Variants in CACNA1A observed in about 807,000 individuals in gnomAD.
The protein encoded by CACNA1A is calcium voltage-gated channel subunit alpha1 A.
A neutral mutation model predicts 262.4 loss-of-function variants in CACNA1A; 57 were observed. The observed-to-expected ratio is 0.22, with a 90% CI of 0.18 to 0.27. The LOEUF (loss-of-function observed/expected upper bound fraction) is 0.27, where lower values mean the gene tolerates loss of function less well. Among genes scored for constraint, CACNA1A ranks in the 10% least tolerant of loss-of-function variants. The pLI is 1.00. For missense variants in CACNA1A, 2,526 were observed against 3,562.8 expected, an observed-to-expected ratio of 0.71 and a Z score of 7.41; for synonymous variants, 1,431 against 1,419.3, an observed-to-expected ratio of 1.01 and a Z score of -0.18.
At chr19:13,421,826 A>G (rs2060321149) in intron 3 of CACNA1A, among the ~76,000 whole-genome samples, 2 of 152,172 alleles carry the variant, frequency 1.3e-5, no homozygotes, top group South Asian at 4.1e-4. Flanking sequence ...GCCACCTGAG[A>G]GGATTAAAAC....
intron 3 of CACNA1A, among the ~76,000 whole-genome samples, chr19:13,392,971 A>G (rs149994350): frequency 2.3e-3 from 349 of 152,170 alleles, no homozygotes; most frequent in African/African-American, 8.2e-3. Flanking sequence ...GTTTTGCCAC[A>G]TTGGCCAGGC....
At chr19:13,468,591 A>G (rs1180201796) in intron 1 of CACNA1A, among the ~76,000 whole-genome samples, 2 of 152,206 alleles carry the variant, frequency 1.3e-5, no homozygotes, top group Non-Finnish European at 2.9e-5. Flanking sequence ...GTTTGAGACC[A>G]GCTTGGTCAA....
intron 3 of CACNA1A, among the ~76,000 whole-genome samples, chr19:13,397,884 G>A (rs376740049): frequency 3.3e-5 from 5 of 152,182 alleles, no homozygotes; most frequent in African/African-American, 9.7e-5. Flanking sequence ...GAAGCCATGG[G>A]TTGAAGATGA....
At chr19:13,503,808 GCA>G (rs1568717067) in intron 1 of CACNA1A, among the ~76,000 whole-genome samples, 1 of 152,040 alleles carries the variant, frequency 6.6e-6, no homozygotes, top group East Asian at 1.9e-4. Context: ...AGAGCATAAT[GCA>G]CAAACTCATC....
chr19:13,250,087 T>G (rs973681321), intron 30 of CACNA1A, among the ~76,000 whole-genome samples: 1 of 151,652 alleles, frequency 6.6e-6, no homozygotes, highest in African/African-American at 2.4e-5. Flanking sequence ...TGAGACAAAG[T>G]CTCACTCTGT....
chr19:13,302,799 ACT>A (rs1007040670), intron 17 of CACNA1A, among the ~76,000 whole-genome samples: 15 of 151,390 alleles, frequency 9.9e-5, no homozygotes, highest in African/African-American at 3.2e-4. Context: ...GGGCCGGGAA[ACT>A]CTCTCTCCCT....
chr19:13,470,557 C>T (rs569371068), intron 1 of CACNA1A, among the ~76,000 whole-genome samples: 2 of 152,280 alleles, frequency 1.3e-5, no homozygotes, highest in African/African-American at 2.4e-5. Flanking sequence ...TATCTCTATC[C>T]TCTTTCTAGA....
chr19:13,404,576 A>G (rs2059969748), intron 3 of CACNA1A, among the ~76,000 whole-genome samples: 1 of 152,168 alleles, frequency 6.6e-6, no homozygotes, highest in African/African-American at 2.4e-5. Context: ...AAAATGGTTC[A>G]GAGCAAAGCT....
intron 1 of CACNA1A, among the ~76,000 whole-genome samples, chr19:13,487,983 T>C (rs1455991918): frequency 6.6e-6 from 1 of 152,034 alleles, no homozygotes; most frequent in Non-Finnish European, 1.5e-5. Flanking sequence ...TGTTTAAATG[T>C]TGCCCAGGCT....
At chr19:13,373,749 AC>A (rs1421673175) in intron 3 of CACNA1A, among the ~76,000 whole-genome samples, 2 of 152,060 alleles carry the variant, frequency 1.3e-5, no homozygotes, top group East Asian at 1.9e-4. Flanking sequence ...TCTCAAGATT[AC>A]CCCTAGAGGA....
At chr19:13,216,968 A>G (rs2144553355) in intron 38 of CACNA1A, among the ~76,000 whole-genome samples, 1 of 152,270 alleles carries the variant, frequency 6.6e-6, no homozygotes, top group East Asian at 1.9e-4. Flanking sequence ...ACCAGTCTCT[A>G]GTAAAAATGC....
intron 1 of CACNA1A, among the ~76,000 whole-genome samples, chr19:13,502,846 C>T (rs981182283): frequency 1.3e-5 from 2 of 152,116 alleles, no homozygotes; most frequent in East Asian, 1.9e-4. Flanking sequence ...TGTACCATGC[C>T]AGAATTTACA....
At chr19:13,411,038 C>T (rs1020830918) in intron 3 of CACNA1A, among the ~76,000 whole-genome samples, 40 of 152,178 alleles carry the variant, frequency 2.6e-4, no homozygotes, top group African/African-American at 9.6e-4. Flanking sequence ...CTTTGGATCT[C>T]CAGCTCTGAC....
intron 1 of CACNA1A, among the ~76,000 whole-genome samples, chr19:13,475,152 C>T (rs939242087): frequency 6.6e-6 from 1 of 152,206 alleles, no homozygotes; most frequent in Non-Finnish European, 1.5e-5. Context: ...CTAAAACATA[C>T]ATCAACATAA....
intron 9 of CACNA1A, among the ~76,000 whole-genome samples, chr19:13,331,732 C>G (rs907834513): frequency 6.6e-6 from 1 of 151,850 alleles, no homozygotes; most frequent in Admixed American, 6.6e-5. Flanking sequence ...TGGAGTGGTG[C>G]CCACTGCAAC....
At chr19:13,474,968 C>T (rs1978350306) in intron 1 of CACNA1A, among the ~76,000 whole-genome samples, 1 of 152,160 alleles carries the variant, frequency 6.6e-6, no homozygotes, top group Non-Finnish European at 1.5e-5. Flanking sequence ...CATTAATCTC[C>T]TCGAAGGAGA....
At chr19:13,456,285 TC>T (rs1466554070) in intron 1 of CACNA1A, among the ~76,000 whole-genome samples, 1 of 152,198 alleles carries the variant, frequency 6.6e-6, no homozygotes, top group East Asian at 1.9e-4. Flanking sequence ...CTTTTGTGCA[TC>T]AAAGGACGTT....
At chr19:13,404,888 T>A (rs1272238678) in intron 3 of CACNA1A, among the ~76,000 whole-genome samples, 1 of 151,844 alleles carries the variant, frequency 6.6e-6, no homozygotes, top group African/African-American at 2.4e-5. Context: ...AAAAATGATA[T>A]TATTATTATT....
chr19:13,280,676 C>G (rs888859928), intron 22 of CACNA1A, among the ~76,000 whole-genome samples: 2 of 152,010 alleles, frequency 1.3e-5, no homozygotes, highest in African/African-American at 4.8e-5. Context: ...CGTGGTGGCT[C>G]ACGCCTGTAA....
Sources: gnomAD v4.1 joint callset for allele counts (sites outside exome capture counted in the v4.1 genomes callset) on GRCh38, gnomAD v4.1.1 for gene constraint, MANE v1.5 for transcripts, NCBI Gene and HGNC (gene_info 2026-07-23, HGNC 2026-07-21) for gene names.